The following NMNAT2 variants were observed in gnomAD, a reference collection of about 807,000 sequenced individuals.
NMNAT2 encodes nicotinamide/nicotinic acid mononucleotide adenylyltransferase 2.
A neutral mutation model predicts 41.6 loss-of-function variants in NMNAT2; 11 were observed. That is an observed-to-expected ratio of 0.26 (90% CI 0.17 to 0.44). The LOEUF is 0.44. Among genes scored for constraint, NMNAT2 ranks in the 20% least tolerant of loss-of-function variants. NMNAT2 has a pLI of 1.00. For missense variants in NMNAT2, 288 were observed against 407.7 expected, an observed-to-expected ratio of 0.71 and a Z score of 2.53; for synonymous variants, 148 against 151.2, an observed-to-expected ratio of 0.98 and a Z score of 0.16.
At chr1:183,326,202 C>A (rs747685817) in intron 1 of NMNAT2, among the ~76,000 whole-genome samples, 8 of 151,552 alleles carry the variant, frequency 5.3e-5, no homozygotes, top group Non-Finnish European at 1.0e-4. Flanking sequence ...ATGGAGAAAC[C>A]CTGCCTGTAC....
intron 1 of NMNAT2, among the ~76,000 whole-genome samples, chr1:183,400,541 T>C (rs1325236457): frequency 3.3e-5 from 5 of 152,296 alleles, no homozygotes; most frequent in East Asian, 3.9e-4. Flanking sequence ...AATGACTTTC[T>C]TCACAGAATT....
intron 1 of NMNAT2, among the ~76,000 whole-genome samples, chr1:183,404,712 G>A (rs886436501): frequency 1.1e-4 from 17 of 152,314 alleles, no homozygotes; most frequent in African/African-American, 4.1e-4. Flanking sequence ...TACAAGCAAT[G>A]CTTTAAAGGC....
chr1:183,312,610 A>C (rs1395707266), intron 1 of NMNAT2, among the ~76,000 whole-genome samples: 1 of 151,844 alleles, frequency 6.6e-6, no homozygotes, highest in African/African-American at 2.4e-5. Flanking sequence ...TGTCAAGCTC[A>C]TCTTTTTTCA....
chr1:183,341,748 C>CAAAAAAAAAAAAAAAA (rs369432128), intron 1 of NMNAT2, among the ~76,000 whole-genome samples: 1 of 79,840 alleles, frequency 1.3e-5, no homozygotes, highest in East Asian at 4.6e-4. Context: ...AAAAAAAAAA[C>CAAAAAAAAAAAAAAAA]CTGTTTCCTT....
At chr1:183,338,159 A>AG (rs1420795454) in intron 1 of NMNAT2, among the ~76,000 whole-genome samples, 1 of 147,770 alleles carries the variant, frequency 6.8e-6, no homozygotes, top group African/African-American at 2.5e-5. Context: ...TAAAAAAAAA[A>AG]AAAAAAAAAG....
intron 1 of NMNAT2, among the ~76,000 whole-genome samples, chr1:183,403,438 C>CA (rs1317705820): frequency 3.8e-5 from 5 of 130,316 alleles, no homozygotes; most frequent in South Asian, 4.8e-4. Flanking sequence ...TGAAGAGGAA[C>CA]AACCCCCCCC....
At chr1:183,370,259 C>CACACAT (rs1553219545) in intron 1 of NMNAT2, among the ~76,000 whole-genome samples, 11 of 150,006 alleles carry the variant, frequency 7.3e-5, no homozygotes, top group South Asian at 4.2e-4. Context: ...CACACACACA[C>CACACAT]ACACACACAC....
chr1:183,257,080 T>C lies in NMNAT2; in HGVS notation c.821+3922A>G, dbSNP rs561823027. Among the ~76,000 whole-genome samples the C allele has an allele frequency of 1.2e-3, 179 of 152,180 alleles. 1 individual carries two copies. The highest frequency in any genetic ancestry group is 2.4e-3 in the Non-Finnish European group (162 of 67,984). Reference sequence around the variant, plus strand: ...TTGGTGTCTTTATCTGGCTTAGGTATCAAAGGCGATGCTGGCCTCGTAGAA... The same window carrying C: ...TTGGTGTCTTTATCTGGCTTAGGTACCAAAGGCGATGCTGGCCTCGTAGAA... On this transcript the variant is annotated intron_variant, in intron 10 of 10. Transcript: ENST00000287713.
At chr1:183,265,108 GC>G (rs1660774405) in intron 8 of NMNAT2, among the ~76,000 whole-genome samples, 2 of 152,052 alleles carry the variant, frequency 1.3e-5, no homozygotes, top group East Asian at 3.9e-4. Flanking sequence ...TTCTCAATAT[GC>G]CCACTTGGAT....
intron 1 of NMNAT2, 45 bp from the exon 2 acceptor site, chr1:183,293,838 G>A (rs765491811): frequency 7.4e-7 from 1 of 1,356,732 alleles, no homozygotes; most frequent in South Asian, 1.2e-5. Context: ...GGAAAGGCAT[G>A]GATTAAAGGT....
chr1:183,263,471 A>G (rs1010629237), intron 8 of NMNAT2, among the ~76,000 whole-genome samples: 3 of 152,166 alleles, frequency 2.0e-5, no homozygotes, highest in African/African-American at 7.2e-5. Flanking sequence ...CATTAGAATC[A>G]CCTGAGGGGC....
Position 183,337,389 on chromosome 1 carries a change from C to T in NMNAT2, c.86-43596G>A, listed in dbSNP as rs151036521. 3.1e-3 allele frequency among the ~76,000 whole-genome samples: 470 copies of T among 152,012 alleles called. 6 individuals are homozygous for T. Among genetic ancestry groups the T allele is most frequent in the Admixed American group, 0.03 (451 of 15,270 alleles). On this transcript the variant is annotated intron_variant, in intron 1 of 10. Transcript: ENST00000287713. ...GATGAAAATACAACAACAAATTTAT[C>T]TCTTTAAACTTCAAAATCCTCACAT...
At chr1:183,264,605 C>T (rs1402905746) in intron 8 of NMNAT2, among the ~76,000 whole-genome samples, 1 of 152,164 alleles carries the variant, frequency 6.6e-6, no homozygotes, top group Non-Finnish European at 1.5e-5. Context: ...ATCTGGGTCC[C>T]TTGCCCCCAA....
intron 1 of NMNAT2, among the ~76,000 whole-genome samples, chr1:183,301,124 AT>A (rs1661839366): frequency 6.6e-6 from 1 of 152,316 alleles, no homozygotes; most frequent in South Asian, 2.1e-4. Flanking sequence ...GTTTATTTTG[AT>A]TACTGAGTTT....
intron 1 of NMNAT2, among the ~76,000 whole-genome samples, chr1:183,349,354 G>C (rs1472800643): frequency 1.3e-5 from 2 of 152,242 alleles, no homozygotes; most frequent in Non-Finnish European, 2.9e-5. Context: ...GCCTTTGCCT[G>C]CTCACAAAAG....
At chr1:183,380,609 A>G (rs1663784061) in intron 1 of NMNAT2, among the ~76,000 whole-genome samples, 1 of 152,196 alleles carries the variant, frequency 6.6e-6, no homozygotes, top group South Asian at 2.1e-4. Flanking sequence ...TGGACAGATA[A>G]TGGGATCAGA....
intron 1 of NMNAT2, among the ~76,000 whole-genome samples, chr1:183,356,334 C>G (rs1027894356): frequency 6.6e-6 from 1 of 152,182 alleles, no homozygotes. Context: ...CAGCCATAGA[C>G]TCTTAGAGCT....
At chr1:183,256,106 AAAAAT>A (rs1360282930) in intron 10 of NMNAT2, among the ~76,000 whole-genome samples, 1 of 152,106 alleles carries the variant, frequency 6.6e-6, no homozygotes, top group Non-Finnish European at 1.5e-5. Context: ...GTTTTTTAAA[AAAAAT>A]AAAATAAATT....
chr1:183,359,787 T>C (rs1478675350), intron 1 of NMNAT2, among the ~76,000 whole-genome samples: 3 of 152,102 alleles, frequency 2.0e-5, no homozygotes, highest in African/African-American at 7.2e-5. Context: ...TCAGGTGTGA[T>C]TGAAAAGGCA....
Sources: allele counts gnomAD v4.1 joint callset (sites outside exome capture counted in the v4.1 genomes callset), GRCh38; gene constraint gnomAD v4.1.1; transcripts MANE v1.5; gene names NCBI Gene and HGNC (gene_info 2026-07-23, HGNC 2026-07-21).